The following SDK2 variants were observed in gnomAD, a reference collection of about 807,000 sequenced individuals.
SDK2 encodes sidekick cell adhesion molecule 2.
SDK2 carries 105 observed loss-of-function variants against 253.9 expected under a neutral mutation model. The observed-to-expected ratio is 0.41, with a 90% confidence interval of 0.35 to 0.49. The LOEUF is 0.49. SDK2 is among the 20% of genes least tolerant of loss of function. SDK2 has a pLI of 0.06. For missense variants in SDK2, 2,608 were observed against 3,003.0 expected, an observed-to-expected ratio of 0.87 and a Z score of 3.07; for synonymous variants, 1,249 against 1,234.9, an observed-to-expected ratio of 1.01 and a Z score of -0.24.
At chr17:73,401,553 A>T in intron 20 of SDK2, 101 bp downstream of exon 20, 1 of 1,142,448 alleles carries the variant, frequency 8.8e-7, no homozygotes, top group Non-Finnish European at 1.3e-6. Context: ...GGTTGGCTTC[A>T]AGAGTTTGGG....
chr17:73,542,931 C>T (rs1189962519), intron 1 of SDK2, among the ~76,000 whole-genome samples: 1 of 152,166 alleles, frequency 6.6e-6, no homozygotes, highest in East Asian at 1.9e-4. Context: ...CTCCCCTAGG[C>T]CCTGGAGAGC....
intron 1 of SDK2, among the ~76,000 whole-genome samples, chr17:73,532,529 C>T (rs2064177820): frequency 6.6e-6 from 1 of 152,174 alleles, no homozygotes; most frequent in African/African-American, 2.4e-5. Context: ...CAGAGAGAGC[C>T]ACTTCCTCCA....
rs918518321 is a variant in SDK2 at position 73,366,123 on chromosome 17, C to T, written c.5168-728G>A. Among the ~76,000 whole-genome samples, 23 of 152,300 alleles carry T rather than the reference C, an allele frequency of 1.5e-4. No individual in the cohort carries two copies. In the East Asian group the frequency reaches 4.1e-3, roughly 27 times the overall value. ...ATTGTCCGGCGCTGCCTCCCCACCA[C>T]GCTGGAGCTAATCCGGACCTGCTTC... On this transcript the variant is annotated intron_variant, in intron 37 of 44. Transcript: ENST00000392650.
intron 2 of SDK2, among the ~76,000 whole-genome samples, chr17:73,489,271 G>A (rs1185111745): frequency 5.3e-5 from 8 of 152,202 alleles, no homozygotes; most frequent in Admixed American, 4.6e-4. Flanking sequence ...ATAGTGGTCA[G>A]TTCCCTGGAG....
chr17:73,385,820 G>A (rs768129935), intron 32 of SDK2, 27 bp downstream of exon 32: 41 of 1,584,078 alleles, frequency 2.6e-5, no homozygotes, highest in Non-Finnish European at 3.2e-5. Context: ...GGGTCTTCAC[G>A]GAGGTTTCCT....
At chr17:73,555,955 C>T (rs2045137572) in intron 1 of SDK2, among the ~76,000 whole-genome samples, 1 of 152,100 alleles carries the variant, frequency 6.6e-6, no homozygotes, top group African/African-American at 2.4e-5. Flanking sequence ...GTGGATGGTC[C>T]CTGCAGGGAG....
intron 1 of SDK2, among the ~76,000 whole-genome samples, chr17:73,538,483 C>T (rs943296818): frequency 3.3e-5 from 5 of 152,166 alleles, no homozygotes; most frequent in Admixed American, 6.5e-5. Context: ...GCCAGGACTC[C>T]GGCTTTAAAA....
At chr17:73,378,190 C>G (rs1054677776) in intron 36 of SDK2, among the ~76,000 whole-genome samples, 5 of 152,096 alleles carry the variant, frequency 3.3e-5, no homozygotes, top group Non-Finnish European at 5.9e-5. Flanking sequence ...ACTCTGCCCC[C>G]CTGGCTCAAG....
intron 44 of SDK2, among the ~76,000 whole-genome samples, chr17:73,342,799 C>G (rs1172710727): frequency 6.6e-6 from 1 of 152,096 alleles, no homozygotes; most frequent in Non-Finnish European, 1.5e-5. Context: ...GCCTCAGTGT[C>G]CTTGTCTGTA....
chr17:73,398,241 C>A, intron 23 of SDK2, 56 bp from the exon 24 acceptor site: 1 of 1,601,018 alleles, frequency 6.2e-7, no homozygotes, highest in Non-Finnish European at 8.5e-7. Flanking sequence ...AACTCTCAAC[C>A]CTGTCCTGGT....
In SDK2 at chr17:73,385,867, A is replaced by C. The variant is rs1306976502; in HGVS notation, c.4549T>G (p.Ser1517Ala). ...CATACCTGCCATCGGATTAGCACGG[A>C]GGTGGTGGTGTGGGGCGTCACGGAG... is the stretch of plus-strand genomic sequence containing the variant. ...ILSVTPHTTT[S>A]VLIRWQPPAE... Residue 1517 changes from serine to alanine, a missense_variant, in exon 32 of 45, where the codon TCC becomes GCC. Ser to Ala is a moderately conservative substitution (Grantham distance 99). Transcript: ENST00000392650. 2 of 1,608,132 alleles carry C rather than the reference A, an allele frequency of 1.2e-6. No individual in the cohort carries two copies. The highest frequency in any genetic ancestry group is 4.5e-5 in the East Asian group (2 of 44,762).
rs2063841381 is a variant in SDK2, at chr17:73,496,335, G to A, written c.224+11103C>T. 6.6e-6 allele frequency among the ~76,000 whole-genome samples: 1 copy of A among 152,198 alleles called. No individual in the cohort carries two copies. Among genetic ancestry groups the A allele is most frequent in the African/African-American group, 2.4e-5 (1 of 41,448 alleles). ...GGCAGTTTGCTCAAAGGCACACAGT[G>A]AGTCAGGGGCAGGACTGGACATCAC... On this transcript the variant is annotated intron_variant, in intron 2 of 44. Coordinates refer to ENST00000392650, the MANE Select transcript of SDK2 (RefSeq NM_001144952.2). This position sits in a 1 kb window ranked among gnomAD's most constrained non-coding sequence, Gnocchi z 4.7.
intron 1 of SDK2, among the ~76,000 whole-genome samples, chr17:73,529,938 G>C (rs1345803453): frequency 6.6e-6 from 1 of 152,198 alleles, no homozygotes; most frequent in South Asian, 2.1e-4. Flanking sequence ...TTGTTAACAC[G>C]GTAGTGGGAG....
chr17:73,568,745 A>T (rs2045341782), intron 1 of SDK2, among the ~76,000 whole-genome samples: 1 of 151,884 alleles, frequency 6.6e-6, no homozygotes. Context: ...GACAAATTGA[A>T]GATTCAAGAG....
At chr17:73,638,558 T>C (rs2046360113) in intron 1 of SDK2, among the ~76,000 whole-genome samples, 1 of 151,938 alleles carries the variant, frequency 6.6e-6, no homozygotes, top group Non-Finnish European at 1.5e-5. Flanking sequence ...AAGTGCCAGG[T>C]TGGAGGCCTG....
chr17:73,381,340 A>G (rs968224692), intron 33 of SDK2, among the ~76,000 whole-genome samples: 6 of 152,134 alleles, frequency 3.9e-5, no homozygotes, highest in Admixed American at 3.9e-4. Context: ...TGAACCAGAA[A>G]CAATTTTACT....
At chr17:73,485,468 C>T (rs1431340408) in intron 2 of SDK2, among the ~76,000 whole-genome samples, 1 of 152,180 alleles carries the variant, frequency 6.6e-6, no homozygotes, top group East Asian at 1.9e-4. Context: ...ATGGCTGGGC[C>T]AGTCCCCACC....
intron 36 of SDK2, among the ~76,000 whole-genome samples, chr17:73,378,273 AT>A (rs983008658): frequency 2.0e-5 from 3 of 150,328 alleles, no homozygotes; most frequent in East Asian, 2.0e-4. Flanking sequence ...TAATTTCTGT[AT>A]TTTTTTTTGT....
Position 73,404,160 on chromosome 17 carries a change from C to T in SDK2, c.2485-2019G>A, listed in dbSNP as rs147489729. On this transcript the variant is annotated intron_variant, in intron 18 of 44. Coordinates refer to ENST00000392650, the MANE Select transcript of SDK2 (RefSeq NM_001144952.2). The stretch of plus-strand genomic sequence containing the variant: ...AATGGCAGTGTGGTTTGTGGAGTCA[C>T]GCTCTTGACTTCATTATCCTACAGC... Among the ~76,000 whole-genome samples, 673 of 152,274 alleles carry T rather than the reference C, an allele frequency of 4.4e-3. 5 individuals carry two copies. Among genetic ancestry groups the T allele is most frequent in the Admixed American group, 5.6e-3 (86 of 15,302 alleles).
Sources: allele counts gnomAD v4.1 joint callset (sites outside exome capture counted in the v4.1 genomes callset), GRCh38; gene constraint gnomAD v4.1.1; non-coding constraint Gnocchi (gnomAD v3.1); transcripts MANE v1.5; gene names NCBI Gene and HGNC (gene_info 2026-07-23, HGNC 2026-07-21).